The following TAS2R1 variants were observed in gnomAD, a reference collection of about 807,000 sequenced individuals.
The protein encoded by TAS2R1 is taste receptor type 2 member 1.
For missense variants in TAS2R1, 370 were observed against 353.4 expected, an observed-to-expected ratio of 1.05 and a Z score of -0.38; for synonymous variants, 141 against 134.2, an observed-to-expected ratio of 1.05 and a Z score of -0.35.
At chr5:9,640,214 T>C (rs1375510037) in intron 2 of TAS2R1, among the ~76,000 whole-genome samples, 1 of 152,002 alleles carries the variant, frequency 6.6e-6, no homozygotes, top group East Asian at 1.9e-4. Flanking sequence ...AGGAGTGCAA[T>C]GGGACAGCCG....
At chr5:9,671,645 A>C (rs1604460) in intron 1 of TAS2R1, among the ~76,000 whole-genome samples, 144,229 of 152,156 alleles carry the variant, frequency 0.95, 68,952 homozygotes, top group Non-Finnish European at 1. Flanking sequence ...AGAGATAAAA[A>C]AAACAAATGG....
chr5:9,752,050 G>T, the TAS2R1 span, among the ~76,000 whole-genome samples: 2 of 152,168 alleles, frequency 1.3e-5, no homozygotes, highest in Non-Finnish European at 2.9e-5. Context: ...GTTTCCCGTG[G>T]AAACAAAGGA....
At chr5:9,842,316 C>CTTTTTTTT in the TAS2R1 span, among the ~76,000 whole-genome samples, 52 of 116,220 alleles carry the variant, frequency 4.5e-4, no homozygotes, top group Middle Eastern at 5.7e-3. Context: ...TTCTTTCTCT[C>CTTTTTTTT]TTTTTTTTTT....
At chr5:9,794,673 A>C in the TAS2R1 span, among the ~76,000 whole-genome samples, 1 of 152,204 alleles carries the variant, frequency 6.6e-6, no homozygotes, top group Non-Finnish European at 1.5e-5. Context: ...ATCTTTACTA[A>C]AATGTTTTTT....
chr5:9,638,996 T>C lies in TAS2R1; in HGVS notation c.-80-9004A>G, dbSNP rs564415625. Reference sequence around the variant, plus strand: ...TGCCCCCGCTCAGTGCCCAAGACCATGCGCACCCCACTGGGAAAGCAAGCA... The same window carrying C: ...TGCCCCCGCTCAGTGCCCAAGACCACGCGCACCCCACTGGGAAAGCAAGCA... On this transcript the variant is annotated intron_variant, in intron 2 of 2. Coordinates refer to the TAS2R1 transcript ENST00000506620. 2.0e-5 allele frequency among the ~76,000 whole-genome samples: 3 copies of C among 152,264 alleles called. No homozygotes were observed. In the East Asian group the frequency reaches 5.8e-4, roughly 29 times the overall value.
At chr5:9,695,429 G>A (rs1245505262) in intron 1 of TAS2R1, among the ~76,000 whole-genome samples, 1 of 152,114 alleles carries the variant, frequency 6.6e-6, no homozygotes, top group African/African-American at 2.4e-5. Context: ...ATGGAACTGG[G>A]TTGAGATAAA....
chr5:9,781,283 T>C, the TAS2R1 span, among the ~76,000 whole-genome samples: 2 of 152,162 alleles, frequency 1.3e-5, no homozygotes. Flanking sequence ...AGTCTGAAAA[T>C]GTTAGAATCA....
At chr5:9,860,872 G>C in the TAS2R1 span, among the ~76,000 whole-genome samples, 2 of 152,060 alleles carry the variant, frequency 1.3e-5, no homozygotes, top group Non-Finnish European at 2.9e-5. Flanking sequence ...AGGGACACAG[G>C]TGGGGCCATT....
chr5:9,769,541 G>A, the TAS2R1 span, among the ~76,000 whole-genome samples: 1 of 152,096 alleles, frequency 6.6e-6, no homozygotes, highest in African/African-American at 2.4e-5. Flanking sequence ...CAATGTATGA[G>A]GGTTCCTTTT....
the TAS2R1 span, among the ~76,000 whole-genome samples, chr5:9,727,134 T>C: frequency 6.6e-6 from 1 of 152,204 alleles, no homozygotes; most frequent in East Asian, 1.9e-4. Context: ...TGGCGTGTGA[T>C]CTCACCTGCA....
chr5:9,807,564 A>C, the TAS2R1 span, among the ~76,000 whole-genome samples: 1 of 152,202 alleles, frequency 6.6e-6, no homozygotes, highest in South Asian at 2.1e-4. Flanking sequence ...ATGGAATACT[A>C]TTAAGCCATG....
At chr5:9,681,991 C>T (rs1195023896) in intron 1 of TAS2R1, among the ~76,000 whole-genome samples, 1 of 152,088 alleles carries the variant, frequency 6.6e-6, no homozygotes, top group African/African-American at 2.4e-5. Context: ...GTGTCCTTGC[C>T]AAGTTATGAA....
the TAS2R1 span, among the ~76,000 whole-genome samples, chr5:9,839,293 C>T: frequency 8.5e-5 from 13 of 152,150 alleles, no homozygotes; most frequent in South Asian, 2.1e-4. Context: ...CTCAGGTTTC[C>T]GACACTCAAA....
chr5:9,634,046 T>G (rs1739924345), upstream of TAS2R1, among the ~76,000 whole-genome samples: 1 of 152,086 alleles, frequency 6.6e-6, no homozygotes, highest in South Asian at 2.1e-4. Flanking sequence ...GTTTTTCTGA[T>G]GTTATCTTCT....
chr5:9,702,032 G>A (rs1741498529), intron 1 of TAS2R1, among the ~76,000 whole-genome samples: 1 of 152,148 alleles, frequency 6.6e-6, no homozygotes, highest in South Asian at 2.1e-4. Context: ...TTAGGACGAT[G>A]TTGAGCATGA....
the TAS2R1 span, among the ~76,000 whole-genome samples, chr5:9,848,051 C>T: frequency 6.6e-6 from 1 of 152,230 alleles, no homozygotes; most frequent in African/African-American, 2.4e-5. Flanking sequence ...CTGATGCACA[C>T]TAAGGCTTGA....
the TAS2R1 span, among the ~76,000 whole-genome samples, chr5:9,860,817 C>T: frequency 6.6e-6 from 1 of 152,138 alleles, no homozygotes; most frequent in Non-Finnish European, 1.5e-5. Flanking sequence ...ATGGCTGCAG[C>T]CTGCAGAAAG....
chr5:9,697,211 GACAA>G (rs1259183657), intron 1 of TAS2R1, among the ~76,000 whole-genome samples: 2 of 151,510 alleles, frequency 1.3e-5, no homozygotes, highest in African/African-American at 2.4e-5. Context: ...AACAAAAAAA[GACAA>G]ACAAAAATTT....
At chr5:9,737,726 A>T in the TAS2R1 span, among the ~76,000 whole-genome samples, 1 of 152,194 alleles carries the variant, frequency 6.6e-6, no homozygotes, top group Non-Finnish European at 1.5e-5. Flanking sequence ...ATGCACATCA[A>T]TTTAACCAGA....
Sources: gnomAD v4.1 joint callset for allele counts (sites outside exome capture counted in the v4.1 genomes callset) on GRCh38, gnomAD v4.1.1 for gene constraint, MANE v1.5 for transcripts, NCBI Gene and HGNC (gene_info 2026-07-23, HGNC 2026-07-21) for gene names.